MTOR: variants seen among roughly 807,000 people sequenced by gnomAD.
MTOR encodes serine/threonine-protein kinase mTOR.
Under a neutral mutation model 319.8 loss-of-function variants are expected in MTOR, and 70 were observed. That is an observed-to-expected ratio of 0.22 (90% CI 0.18 to 0.27). The LOEUF (loss-of-function observed/expected upper bound fraction) is 0.27. MTOR is among the 10% of genes least tolerant of loss of function. The probability of loss-of-function intolerance (pLI) is 1.00; values close to 1 mark genes in which losing one functional copy is unlikely to be tolerated. For missense variants in MTOR, 1,890 were observed against 3,274.4 expected (o/e 0.58, Z 10.32); for synonymous variants, 1,183 against 1,211.4 (o/e 0.98, Z 0.49).
intron 26 of MTOR, among the ~76,000 whole-genome samples, chr1:11,200,569 T>C (rs1018819930): frequency 5.3e-5 from 8 of 152,308 alleles, no homozygotes; most frequent in African/African-American, 1.4e-4. Flanking sequence ...ATACCTACAA[T>C]GGATAGATTT....
chr1:11,260,469 G>C (rs972114399), intron 1 of MTOR, among the ~76,000 whole-genome samples: 8 of 151,866 alleles, frequency 5.3e-5, no homozygotes, highest in Non-Finnish European at 1.5e-5. Context: ...TTGAACCCAG[G>C]AGGCAGAGGT....
chr1:11,219,121 G>A (rs557278848), intron 19 of MTOR, among the ~76,000 whole-genome samples: 1 of 152,130 alleles, frequency 6.6e-6, no homozygotes, highest in South Asian at 2.1e-4. Context: ...AGGTTGAGGT[G>A]GGAGGATCAC....
chr1:11,182,838 G>A (rs927688201), intron 28 of MTOR, among the ~76,000 whole-genome samples: 1 of 152,342 alleles, frequency 6.6e-6, no homozygotes, highest in South Asian at 2.1e-4. Flanking sequence ...TTCACGGTGT[G>A]AATATACCAC....
intron 25 of MTOR, among the ~76,000 whole-genome samples, chr1:11,208,400 G>A (rs72856922): frequency 2.6e-5 from 4 of 152,378 alleles, no homozygotes; most frequent in Admixed American, 6.5e-5. Context: ...GCGTGAGCCC[G>A]TACACATGCA....
chr1:11,127,930 A>G lies in MTOR; in HGVS notation c.6033+74T>C. 2.5e-6 allele frequency: 4 copies of G among 1,597,584 alleles called. No individual in the cohort carries two copies. Among genetic ancestry groups the G allele is most frequent in the Non-Finnish European group, 3.4e-6 (4 of 1,173,220 alleles). ...GAAGTGCACAGCACCAATGCGAGGA[A>G]GAAAAACAATCCCACTTGCGCCCAC... On this transcript the variant is annotated intron_variant, in intron 43 of 57. Coordinates refer to ENST00000361445, the MANE Select transcript of MTOR (RefSeq NM_004958.4). The surrounding 1 kb of genome is among the most constrained non-coding windows in gnomAD (Gnocchi z 5.5).
intron 54 of MTOR, chr1:11,111,264 A>G: frequency 2.4e-6 from 1 of 410,394 alleles, no homozygotes; most frequent in Admixed American, 2.9e-5. Flanking sequence ...AGATCACTTG[A>G]GGTCAGGAGT....
Position 11,231,472 on chromosome 1 carries a change from C to A in MTOR, c.2515-38G>T, listed in dbSNP as rs377384941. The stretch of plus-strand genomic sequence containing the variant: ...AAGAACACGATTCAATGAGCCAGTA[C>A]GAGAGAAAAGAAAGCATAGTTGAAC... On this transcript the variant is annotated intron_variant, in intron 16 of 57. Coordinates refer to ENST00000361445, the MANE Select transcript of MTOR (RefSeq NM_004958.4). 3 of 1,608,564 alleles carry A rather than the reference C, an allele frequency of 1.9e-6. No homozygotes were observed. In the South Asian group the frequency reaches 3.3e-5, roughly 18 times the overall value.
chr1:11,107,521 G>C lies in MTOR; in HGVS notation c.7635-21C>G, dbSNP rs765480847. 16 of 1,611,456 alleles carry C rather than the reference G, an allele frequency of 9.9e-6. 1 individual carries two copies. The South Asian group carries it at 1.7e-4, about 17-fold the overall frequency. ...GGCACCTAAGAAGGCAGAAAGAAAA[G>C]GAATATTTTAATAATTTGAGCTTCT... On this transcript the variant is annotated intron_variant, in intron 57 of 57. Coordinates refer to ENST00000361445, the MANE Select transcript of MTOR (RefSeq NM_004958.4).
At chr1:11,224,908 A>G (rs890983682) in intron 19 of MTOR, among the ~76,000 whole-genome samples, 5 of 152,246 alleles carry the variant, frequency 3.3e-5, no homozygotes, top group African/African-American at 7.2e-5. Flanking sequence ...CATGCCACAC[A>G]TGGATGAACC....
At chr1:11,170,707 A>G (rs1352180847) in intron 28 of MTOR, among the ~76,000 whole-genome samples, 2 of 142,564 alleles carry the variant, frequency 1.4e-5, no homozygotes, top group African/African-American at 5.3e-5. Flanking sequence ...TTTTTGAGAG[A>G]TGGAGTTTCA....
At position 11,122,141 on chromosome 1, in the gene MTOR, A is replaced by G. The variant is rs756701811; in HGVS notation, c.6663-15T>C. The G allele has an allele frequency of 8.7e-6, 14 of 1,614,048 alleles. No individual in the cohort carries two copies. In the South Asian group the frequency reaches 1.4e-4, roughly 16 times the overall value. On this transcript the variant is annotated splice_polypyrimidine_tract_variant and intron_variant, in intron 47 of 57. Coordinates refer to ENST00000361445, the MANE Select transcript of MTOR (RefSeq NM_004958.4). The stretch of plus-strand genomic sequence containing the variant: ...ATCTCTGGATGCTGGCGCCCACAGA[A>G]AAGCAGGGTTAGTGTACCGTAAAGA...
intron 29 of MTOR, among the ~76,000 whole-genome samples, chr1:11,164,183 A>C (rs1644564696): frequency 6.6e-6 from 1 of 152,040 alleles, no homozygotes; most frequent in African/African-American, 2.4e-5. Context: ...TCTCTATAAA[A>C]AATTAGCCGG....
At chr1:11,255,967 G>C (rs375215243) in intron 5 of MTOR, 25 bp downstream of exon 5, 22 of 1,601,724 alleles carry the variant, frequency 1.4e-5, no homozygotes, top group African/African-American at 9.4e-5. Flanking sequence ...CTTTGCTAGT[G>C]GTGGGAATGG....
In MTOR at chr1:11,130,604, G is replaced by A. The variant is rs1466734284; in HGVS notation, c.5538C>T (p.Gly1846=). ...ATATTTASTE[G]SNSESEAEST... ...TCTCGGCCTCGCTCTCACTGTTGCT[G>A]CCCTCGGTGCTGGCAGTGGTGGTGG... Residue 1846 remains glycine (G), a synonymous_variant, in exon 39 of 58, where the codon GGC becomes GGT. Coordinates refer to ENST00000361445, the MANE Select transcript of MTOR (RefSeq NM_004958.4). 2 of 1,613,984 alleles carry A rather than the reference G, an allele frequency of 1.2e-6. No homozygotes were observed. The highest frequency in any genetic ancestry group is 1.6e-4 in the Middle Eastern group (1 of 6,062).
intron 3 of MTOR, among the ~76,000 whole-genome samples, chr1:11,257,768 G>A (rs1358253828): frequency 6.6e-6 from 1 of 152,048 alleles, no homozygotes; most frequent in Non-Finnish European, 1.5e-5. Context: ...AAACAACTGG[G>A]ACTGGATAAT....
In MTOR at chr1:11,209,322, T is replaced by C. The variant is rs1010121578; in HGVS notation, c.3791A>G (p.Asn1264Ser). ...AAACAATGGACTTGCCTTTTGGAGG[T>C]TGATGGTGCTGACGTGCAGTTTCTT... ...PMKKLHVSTINLQKAWGAARR... is the reference protein window; with the variant it reads ...PMKKLHVSTISLQKAWGAARR... Residue 1264 changes from asparagine (N) to serine (S), a missense_variant, in exon 25 of 58, where the codon AAC becomes AGC. Coordinates refer to ENST00000361445, the MANE Select transcript of MTOR (RefSeq NM_004958.4). 1.9e-6 allele frequency: 3 copies of C among 1,613,964 alleles called. No homozygotes were observed. The highest frequency in any genetic ancestry group is 1.3e-5 in the African/African-American group (1 of 74,876).
At chr1:11,164,371 A>G (rs1258256957) in intron 29 of MTOR, among the ~76,000 whole-genome samples, 1 of 151,632 alleles carries the variant, frequency 6.6e-6, no homozygotes, top group African/African-American at 2.4e-5. Context: ...GAGAGAGAAG[A>G]ATCAAATATC....
intron 18 of MTOR, among the ~76,000 whole-genome samples, chr1:11,229,904 G>A (rs1015198253): frequency 2.0e-5 from 3 of 152,112 alleles, no homozygotes; most frequent in Non-Finnish European, 2.9e-5. Context: ...TTGAGCCCAG[G>A]AGGTCGAGGC....
At chr1:11,113,025 C>T in intron 53 of MTOR, 108 bp from the exon 54 acceptor site, 1 of 1,201,370 alleles carries the variant, frequency 8.3e-7, no homozygotes, top group Non-Finnish European at 1.2e-6. Context: ...AAAGCTATAG[C>T]CCCAAAAAAA....
Sources: gnomAD v4.1 joint callset for allele counts (sites outside exome capture counted in the v4.1 genomes callset) on GRCh38, gnomAD v4.1.1 for gene constraint, Gnocchi (gnomAD v3.1) non-coding constraint, MANE v1.5 for transcripts, NCBI Gene and HGNC (gene_info 2026-07-23, HGNC 2026-07-21) for gene names.